Variants in SERPINE2 observed in about 807,000 individuals in gnomAD.
SERPINE2 encodes the protein glia-derived nexin.
In SERPINE2, 14 loss-of-function variants were observed where a neutral mutation model predicts 36.3. The ratio of observed to expected loss-of-function variants is 0.39; its 90% CI spans 0.25 to 0.60. The LOEUF (loss-of-function observed/expected upper bound fraction) is 0.60, where lower values mean the gene tolerates loss of function less well. Ranked by LOEUF, SERPINE2 falls within the 20% of genes least tolerant of loss-of-function variation. The pLI is 0.57. For synonymous variants in SERPINE2, 192 were observed against 191.8 expected, an observed-to-expected ratio of 1.00 and a Z score of -0.01; for missense variants, 418 against 499.6, an observed-to-expected ratio of 0.84 and a Z score of 1.56.
intron 1 of SERPINE2, among the ~76,000 whole-genome samples, chr2:224,034,489 G>C (rs550313683): frequency 1.3e-5 from 2 of 152,226 alleles, no homozygotes; most frequent in Admixed American, 6.5e-5. Flanking sequence ...GATGGGAAGG[G>C]AGTGAAGAAA....
intron 7 of SERPINE2, chr2:223,979,320 T>A (rs190216150): frequency 2.6e-4 from 40 of 152,364 alleles, no homozygotes; most frequent in African/African-American, 9.1e-4. Context: ...CAATAACTTT[T>A]AGATGTTACT....
intron 5 of SERPINE2, among the ~76,000 whole-genome samples, chr2:223,983,734 ATATGTG>A (rs1358296879): frequency 2.8e-4 from 22 of 77,260 alleles, no homozygotes; most frequent in African/African-American, 9.6e-4. Flanking sequence ...ATATGTGTGT[ATATGTG>A]TGTGTGTGTG....
chr2:224,020,564 G>T (rs6708287), intron 1 of SERPINE2, among the ~76,000 whole-genome samples: 143,775 of 152,192 alleles, frequency 0.94, 68,266 homozygotes, highest in Non-Finnish European at 0.99. Flanking sequence ...GAACACCTCT[G>T]CAGGAATGCG....
chr2:224,032,267 C>A lies in SERPINE2; in HGVS notation c.-23+6832G>T, dbSNP rs146370860. 3.7e-3 allele frequency among the ~76,000 whole-genome samples: 563 copies of A among 152,240 alleles called. 3 individuals are homozygous for A. The highest frequency in any genetic ancestry group is 0.013 in the African/African-American group (526 of 41,528). On this transcript the variant is annotated intron_variant, in intron 1 of 8. Coordinates refer to ENST00000409304, the MANE Select transcript of SERPINE2 (RefSeq NM_001136528.2). ...CATTTGTAGTCACCTTATTCATTTC[C>A]GAGTGGGCTTTGTATTTGGCATTAA...
intron 2 of SERPINE2, among the ~76,000 whole-genome samples, chr2:224,000,295 G>C (rs1022901154): frequency 1.3e-5 from 2 of 152,134 alleles, no homozygotes; most frequent in African/African-American, 4.8e-5. Flanking sequence ...AAGAGGGGGG[G>C]AGCCAGTCCT....
intron 1 of SERPINE2, chr2:224,031,517 C>T (rs1692367822): frequency 2.0e-6 from 2 of 985,486 alleles, no homozygotes. Context: ...ATAGAACCTC[C>T]CTCCTCCGCC....
chr2:224,011,105 G>A (rs998842389), intron 1 of SERPINE2, among the ~76,000 whole-genome samples: 4 of 152,148 alleles, frequency 2.6e-5, no homozygotes, highest in Non-Finnish European at 5.9e-5. Context: ...TTTTCGGTCT[G>A]CTGACTCAGA....
At position 224,005,088 on chromosome 2, in the gene SERPINE2, T is replaced by TA. The variant is rs1422347132; in HGVS notation, c.-22-3167dup. On this transcript the variant is annotated intron_variant, in intron 1 of 8. Coordinates refer to ENST00000409304, the MANE Select transcript of SERPINE2 (RefSeq NM_001136528.2). ...TATTATATATATATATATATATATATATATATATAAAACATTGTAAAAACA... is the reference window on the plus strand; with the variant it reads ...TATTATATATATATATATATATATATAATATATATAAAACATTGTAAAAACA... Among the ~76,000 whole-genome samples, 4 of 89,678 alleles carry TA rather than the reference T, an allele frequency of 4.5e-5. 1 individual carries two copies. The highest frequency in any genetic ancestry group is 2.8e-4 in the East Asian group (1 of 3,636). 58.8% of individuals were successfully genotyped at this position (89,678 alleles called of 152,430 possible).
intron 1 of SERPINE2, among the ~76,000 whole-genome samples, chr2:224,038,302 C>T (rs187342574): frequency 1.3e-5 from 2 of 152,080 alleles, no homozygotes; most frequent in Non-Finnish European, 2.9e-5. Flanking sequence ...CGAGATTTCT[C>T]CAGAGACACA....
At chr2:223,977,924 TAA>T (rs1389806401) in intron 7 of SERPINE2, 5 of 285,370 alleles carry the variant, frequency 1.8e-5, no homozygotes, top group Non-Finnish European at 2.7e-5. Context: ...TTAAATGACA[TAA>T]GATATATTAT....
At chr2:224,029,186 T>C (rs1016920894) in intron 1 of SERPINE2, among the ~76,000 whole-genome samples, 1 of 152,218 alleles carries the variant, frequency 6.6e-6, no homozygotes, top group Non-Finnish European at 1.5e-5. Context: ...CATAAGATAA[T>C]AGGATTCTTT....
chr2:223,978,651 A>T (rs1212828719), intron 7 of SERPINE2: 1 of 152,212 alleles, frequency 6.6e-6, no homozygotes, highest in African/African-American at 2.4e-5. Context: ...CTGTTGCAAT[A>T]GCTCAGTCCT....
intron 1 of SERPINE2, chr2:224,038,601 C>T: frequency 2.6e-6 from 3 of 1,145,308 alleles, no homozygotes; most frequent in Middle Eastern, 1.9e-4. Flanking sequence ...AGGCTTTCCC[C>T]ACACCGCGCG....
At chr2:224,029,319 G>T (rs1016493453) in intron 1 of SERPINE2, among the ~76,000 whole-genome samples, 16 of 152,168 alleles carry the variant, frequency 1.1e-4, no homozygotes, top group African/African-American at 3.9e-4. Flanking sequence ...AACAACTCAG[G>T]TGTGGGCATA....
At chr2:223,989,297 G>A (rs1026358048) in intron 4 of SERPINE2, among the ~76,000 whole-genome samples, 2 of 152,162 alleles carry the variant, frequency 1.3e-5, no homozygotes, top group Admixed American at 1.3e-4. Flanking sequence ...ATATCTTGGG[G>A]AAAACAGTCA....
chr2:224,000,037 G>A (rs1691048680), intron 2 of SERPINE2, among the ~76,000 whole-genome samples: 1 of 152,178 alleles, frequency 6.6e-6, no homozygotes. Flanking sequence ...TTTGGTGCTG[G>A]CAGCCCTGGA....
At position 223,984,854 on chromosome 2, in the gene SERPINE2, C is replaced by G; in HGVS notation, c.782G>C (p.Ser261Thr). The G allele has an allele frequency of 6.2e-7, 1 of 1,614,128 alleles. No homozygotes were observed. Among genetic ancestry groups the G allele is most frequent in the Non-Finnish European group, 8.5e-7 (1 of 1,180,006 alleles). Residue 261 changes from serine (S) to threonine (T), a missense_variant, in exon 5 of 9, where the codon AGC becomes ACC. Coordinates refer to ENST00000409304, the MANE Select transcript of SERPINE2 (RefSeq NM_001136528.2). ...ISMLIALPTE[S>T]STPLSAIIPH... ...GATGATGGCAGACAGCGGAGTGGAG[C>G]TCTCAGTCGGCAGTGCAATCAGCAT...
intron 8 of SERPINE2, among the ~76,000 whole-genome samples, chr2:223,976,142 GAATTTT>G (rs1354281935): frequency 2.0e-5 from 3 of 151,808 alleles, no homozygotes; most frequent in Admixed American, 6.6e-5. Flanking sequence ...CTTAGAAGTT[GAATTTT>G]AATTTTATTT....
chr2:224,028,382 C>T (rs1692253194), intron 1 of SERPINE2, among the ~76,000 whole-genome samples: 1 of 152,200 alleles, frequency 6.6e-6, no homozygotes, highest in African/African-American at 2.4e-5. Flanking sequence ...CCTAAAGCCA[C>T]ACACTACTAA....
Sources: gnomAD v4.1 joint callset for allele counts (sites outside exome capture counted in the v4.1 genomes callset) on GRCh38, gnomAD v4.1.1 for gene constraint, MANE v1.5 for transcripts, NCBI Gene and HGNC (gene_info 2026-07-23, HGNC 2026-07-21) for gene names.